CYTH3: variants seen among roughly 807,000 people sequenced by gnomAD.
The protein encoded by CYTH3 is cytohesin 3, also known as cytohesin-3.
A neutral mutation model predicts 55.1 loss-of-function variants in CYTH3; 23 were observed. The observed-to-expected ratio is 0.42, with a 90% CI of 0.30 to 0.59. The LOEUF (loss-of-function observed/expected upper bound fraction) is 0.59. Ranked by LOEUF, CYTH3 falls within the 20% of genes least tolerant of loss-of-function variation. CYTH3 has a pLI of 0.20. For synonymous variants in CYTH3, 249 were observed against 194.9 expected (o/e 1.28, Z -2.31); for missense variants, 413 against 524.8 (o/e 0.79, Z 2.08).
intron 1 of CYTH3, among the ~76,000 whole-genome samples, chr7:6,252,990 C>T (rs935520976): frequency 5.3e-5 from 8 of 152,046 alleles, no homozygotes; most frequent in South Asian, 2.1e-4. Flanking sequence ...TGAACCACTC[C>T]GTAACTCCTT....
chr7:6,264,781 TACCAAGC>T (rs753455503), intron 1 of CYTH3, among the ~76,000 whole-genome samples: 3 of 152,238 alleles, frequency 2.0e-5, no homozygotes, highest in Non-Finnish European at 4.4e-5. Flanking sequence ...GGCTACTATG[TACCAAGC>T]ACTGTTCTAG....
chr7:6,237,793 C>T (rs538507405), intron 1 of CYTH3, among the ~76,000 whole-genome samples: 17 of 152,254 alleles, frequency 1.1e-4, no homozygotes, highest in African/African-American at 4.1e-4. Flanking sequence ...CGTATATGTC[C>T]AAGCAATACA....
At chr7:6,224,889 T>A (rs1779201671) in intron 1 of CYTH3, among the ~76,000 whole-genome samples, 1 of 152,232 alleles carries the variant, frequency 6.6e-6, no homozygotes. Context: ...ACTATGGATA[T>A]GTTATAACAT....
At chr7:6,237,143 T>C (rs990863257) in intron 1 of CYTH3, among the ~76,000 whole-genome samples, 1 of 151,782 alleles carries the variant, frequency 6.6e-6, no homozygotes. Context: ...CGGCAGGCGT[T>C]GCTTCAGCTC....
At position 6,193,353 on chromosome 7, in the gene CYTH3, G is replaced by A. The variant is rs148671354; in HGVS notation, c.35-2822C>T. Among the ~76,000 whole-genome samples, 1,380 of 151,010 alleles carry A rather than the reference G, an allele frequency of 9.1e-3. 32 individuals are homozygous for A. Among genetic ancestry groups the A allele is most frequent in the East Asian group, 0.087 (449 of 5,162 alleles). On this transcript the variant is annotated intron_variant, in intron 1 of 12. Coordinates refer to ENST00000350796, the MANE Select transcript of CYTH3 (RefSeq NM_004227.4). ...GATCGTGCCACTGCACTCTAGCCTG[G>A]GCGACAGAGCAAGACTCCCGTCTCA... is the stretch of plus-strand genomic sequence containing the variant.
chr7:6,259,798 T>TA (rs1331900347), intron 1 of CYTH3, among the ~76,000 whole-genome samples: 12 of 24,872 alleles, frequency 4.8e-4, no homozygotes, highest in Non-Finnish European at 6.1e-4. Context: ...TATATATATA[T>TA]ATATATATAT....
intron 1 of CYTH3, among the ~76,000 whole-genome samples, chr7:6,192,140 C>T (rs186762889): frequency 1.4e-3 from 208 of 152,320 alleles, no homozygotes; most frequent in African/African-American, 4.8e-3. Context: ...AAAAGTTCCA[C>T]ACCACAGAGT....
intron 2 of CYTH3, among the ~76,000 whole-genome samples, chr7:6,188,293 A>G (rs1783708122): frequency 6.6e-6 from 1 of 151,526 alleles, no homozygotes; most frequent in South Asian, 2.1e-4. Context: ...TGATCACACC[A>G]CTGTACTCCA....
chr7:6,200,735 A>G (rs966705410), intron 1 of CYTH3, among the ~76,000 whole-genome samples: 5 of 152,124 alleles, frequency 3.3e-5, no homozygotes, highest in African/African-American at 1.2e-4. Flanking sequence ...CACCTATCTC[A>G]TAACACTGTT....
At chr7:6,204,416 T>G (rs1784137953) in intron 1 of CYTH3, among the ~76,000 whole-genome samples, 1 of 152,210 alleles carries the variant, frequency 6.6e-6, no homozygotes, top group Admixed American at 6.5e-5. Context: ...GTGTACAGGA[T>G]TCAAAAGAGA....
intron 1 of CYTH3, among the ~76,000 whole-genome samples, chr7:6,256,156 T>G (rs6463536): frequency 0.025 from 3,851 of 152,302 alleles, 156 homozygotes; most frequent in African/African-American, 0.088. Flanking sequence ...GTTCTTGAAA[T>G]TCCCAGTCAC....
intron 1 of CYTH3, among the ~76,000 whole-genome samples, chr7:6,219,449 C>T (rs1784497864): frequency 6.6e-6 from 1 of 152,170 alleles, no homozygotes; most frequent in South Asian, 2.1e-4. Flanking sequence ...TTAGGAGATT[C>T]ACTGGCAGGA....
Position 6,169,000 on chromosome 7 carries a change from A to G in CYTH3, c.823+1535T>C, listed in dbSNP as rs555239837. On this transcript the variant is annotated intron_variant, in intron 9 of 12. Transcript: ENST00000350796. ...GCCCTCACTCTAGAACACTCGCACA[A>G]TGTGATTTGAATCGGGTCTCTCAGG... Among the ~76,000 whole-genome samples the G allele has an allele frequency of 4.6e-5, 7 of 152,248 alleles. No homozygotes were observed. The South Asian group carries it at 6.2e-4, about 14-fold the overall frequency.
At chr7:6,226,806 C>T (rs920462143) in intron 1 of CYTH3, among the ~76,000 whole-genome samples, 2 of 152,080 alleles carry the variant, frequency 1.3e-5, no homozygotes, top group East Asian at 1.9e-4. Context: ...GGGGGCCGGG[C>T]GCGGTGGCTC....
chr7:6,184,351 C>T lies in CYTH3; in HGVS notation c.249+2699G>A, dbSNP rs192219335. 8.0e-5 allele frequency among the ~76,000 whole-genome samples: 12 copies of T among 150,244 alleles called. No homozygotes were observed. In the East Asian group the frequency reaches 1.2e-3, roughly 15 times the overall value. ...CTGGGATTACAGGCGTGAGCCACCG[C>T]GCCTGGCCCCCTCTGTGGTATTGTG... On this transcript the variant is annotated intron_variant, in intron 4 of 12. Transcript: ENST00000350796.
intron 1 of CYTH3, among the ~76,000 whole-genome samples, chr7:6,217,839 A>G (rs1784461414): frequency 6.6e-6 from 1 of 152,154 alleles, no homozygotes; most frequent in Non-Finnish European, 1.5e-5. Flanking sequence ...GTTAACTTAC[A>G]TGACAAAAGG....
intron 4 of CYTH3, 82 bp downstream of exon 4, chr7:6,186,968 G>C: frequency 7.1e-7 from 1 of 1,418,296 alleles, no homozygotes; most frequent in Non-Finnish European, 1.0e-6. Flanking sequence ...GACCACCTCT[G>C]ACCTCTGTCC....
At chr7:6,166,980 G>C (rs1400953057) in intron 9 of CYTH3, among the ~76,000 whole-genome samples, 1 of 152,126 alleles carries the variant, frequency 6.6e-6, no homozygotes, top group Admixed American at 6.5e-5. Context: ...GCTCTCTGCT[G>C]CATCTCCCCA....
At chr7:6,257,257 C>T (rs1780153250) in intron 1 of CYTH3, among the ~76,000 whole-genome samples, 1 of 152,156 alleles carries the variant, frequency 6.6e-6, no homozygotes, top group South Asian at 2.1e-4. Context: ...ACAGGCCAAA[C>T]ATTCAAAAGA....
Sources: gnomAD v4.1 joint callset for allele counts (sites outside exome capture counted in the v4.1 genomes callset) on GRCh38, gnomAD v4.1.1 for gene constraint, MANE v1.5 for transcripts, NCBI Gene and HGNC (gene_info 2026-07-23, HGNC 2026-07-21) for gene names.